PLPP1: variants seen among roughly 807,000 people sequenced by gnomAD.
PLPP1 encodes lipid phosphate phosphohydrolase 1a.
Under a neutral mutation model 31.2 loss-of-function variants are expected in PLPP1, and 24 were observed. The observed-to-expected ratio is 0.77, with a 90% confidence interval of 0.56 to 1.08. The LOEUF (loss-of-function observed/expected upper bound fraction) is 1.08. Among genes scored for constraint, PLPP1 ranks in the 50% least tolerant of loss-of-function variants. The pLI is 0.00. For missense variants in PLPP1, 319 were observed against 342.7 expected (o/e 0.93, Z 0.55); for synonymous variants, 146 against 126.3 (o/e 1.16, Z -1.05).
rs1287068001 is a variant in PLPP1, at chr5:55,530,530, GAA to G, written c.58+4040_58+4041del. ...TTCCCTACTGAATCTTCAGAGATCT[GAA>G]AGTTTGGAATGATAGAAGAAACATC... On this transcript the variant is annotated intron_variant, in intron 1 of 5. Transcript: ENST00000307259. 13 of 1,210,736 alleles carry G rather than the reference GAA, an allele frequency of 1.1e-5. No homozygotes were observed. The African/African-American group carries it at 1.8e-4, about 16-fold the overall frequency. 75.0% of individuals were successfully genotyped at this position (1,210,736 alleles called of 1,614,324 possible).
chr5:55,512,551 A>ACTTAC (rs1753454778), intron 1 of PLPP1, among the ~76,000 whole-genome samples: 1 of 127,956 alleles, frequency 7.8e-6, no homozygotes, highest in Admixed American at 8.2e-5. Context: ...AAAGAAAGAA[A>ACTTAC]GAAAGAAAGA....
In PLPP1 at chr5:55,503,787, AGAGGAAGGG is replaced by A. The variant is rs1267850651; in HGVS notation, c.59-28346_59-28338del. Among the ~76,000 whole-genome samples the A allele has an allele frequency of 3.6e-3, 438 of 120,364 alleles. 4 individuals carry two copies. Among genetic ancestry groups the A allele is most frequent in the African/African-American group, 9.9e-3 (324 of 32,704 alleles). The allele number at this position is 120,364 out of a possible 152,430, so 79.0% of individuals were successfully genotyped here. ...GAGAGAGGCTGTCTCAAAACGAAGG[AGAGGAAGGG>A]GAGGAAGGGGAGGAAGGGGAGGGGA... On this transcript the variant is annotated intron_variant, in intron 1 of 5. Transcript: ENST00000307259.
intron 1 of PLPP1, among the ~76,000 whole-genome samples, chr5:55,492,072 A>G (rs1044524268): frequency 3.3e-5 from 5 of 152,128 alleles, no homozygotes; most frequent in African/African-American, 1.2e-4. Context: ...TTGCACCTAA[A>G]TAAAATGACC....
chr5:55,530,584 A>T, intron 1 of PLPP1: 1 of 1,332,242 alleles, frequency 7.5e-7, no homozygotes. Context: ...TTCTTACAAG[A>T]TTTGCAATGA....
In PLPP1 at chr5:55,424,927, A is replaced by G; in HGVS notation, c.*279T>C. 1 of 635,946 alleles carries G rather than the reference A, an allele frequency of 1.6e-6. No homozygotes were observed. Among genetic ancestry groups the G allele is most frequent in the Non-Finnish European group, 2.7e-6 (1 of 370,004 alleles). The allele number at this position is 635,946 out of a possible 1,614,324, so 39.4% of individuals were successfully genotyped here. A position where few individuals can be genotyped will look rare whatever the true frequency, so the allele number is the denominator to read the frequency against. On this transcript the variant is annotated 3_prime_UTR_variant, in exon 6 of 6. Coordinates refer to ENST00000307259, the MANE Select transcript of PLPP1 (RefSeq NM_003711.4). ...CATTCATAGAAAGCATATTACATAC[A>G]TGTTTATACATAAGCATTACATTTT...
chr5:55,467,773 T>G, intron 3 of PLPP1, 96 bp downstream of exon 3: 1 of 1,324,884 alleles, frequency 7.5e-7, no homozygotes, highest in Middle Eastern at 1.9e-4. Flanking sequence ...TAACACTAAC[T>G]TCTCTTTTTA....
intron 1 of PLPP1, among the ~76,000 whole-genome samples, chr5:55,524,691 T>C (rs1274210178): frequency 6.6e-6 from 1 of 152,024 alleles, no homozygotes; most frequent in Admixed American, 6.6e-5. Context: ...GCACCTGTAA[T>C]CCCAGCTACT....
chr5:55,515,857 A>G (rs1361963102), intron 1 of PLPP1, among the ~76,000 whole-genome samples: 1 of 152,050 alleles, frequency 6.6e-6, no homozygotes, highest in African/African-American at 2.4e-5. Flanking sequence ...CATGGCTTCA[A>G]TTACCACGAA....
chr5:55,510,425 C>G (rs572978753), intron 1 of PLPP1, among the ~76,000 whole-genome samples: 21 of 152,148 alleles, frequency 1.4e-4, no homozygotes, highest in Non-Finnish European at 2.6e-4. Flanking sequence ...TGAGGGCACT[C>G]AGGGAGGTAA....
intron 2 of PLPP1, among the ~76,000 whole-genome samples, chr5:55,471,887 G>A (rs999895511): frequency 3.3e-5 from 5 of 152,150 alleles, no homozygotes; most frequent in African/African-American, 1.2e-4. Context: ...GGGATGTTGA[G>A]GCAGGAGGGC....
intron 4 of PLPP1, among the ~76,000 whole-genome samples, chr5:55,427,087 TAAAAAA>T (rs3070034): frequency 2.0e-5 from 3 of 150,366 alleles, no homozygotes; most frequent in South Asian, 2.1e-4. Context: ...CTGCTCTCAT[TAAAAAA>T]AAAAAAAAAA....
chr5:55,460,603 A>C (rs888422948), intron 3 of PLPP1, among the ~76,000 whole-genome samples: 1 of 152,226 alleles, frequency 6.6e-6, no homozygotes, highest in African/African-American at 2.4e-5. Flanking sequence ...TAAAAGACAA[A>C]CAACCAAAGC....
At chr5:55,447,123 G>A (rs1367628453) in intron 3 of PLPP1, among the ~76,000 whole-genome samples, 1 of 152,192 alleles carries the variant, frequency 6.6e-6, no homozygotes, top group Non-Finnish European at 1.5e-5. Flanking sequence ...GTATCATGTA[G>A]CACGTTTAGC....
At chr5:55,512,432 C>CA (rs1369303802) in intron 1 of PLPP1, among the ~76,000 whole-genome samples, 13 of 148,718 alleles carry the variant, frequency 8.7e-5, no homozygotes, top group Non-Finnish European at 7.4e-5. Context: ...GATTACACCA[C>CA]TGCACTCCAG....
intron 3 of PLPP1, among the ~76,000 whole-genome samples, chr5:55,450,684 C>T (rs376712908): frequency 1.3e-5 from 2 of 152,142 alleles, no homozygotes; most frequent in South Asian, 2.1e-4. Flanking sequence ...AAATTCATGA[C>T]CTCATACAAA....
At chr5:55,492,176 A>C (rs1413019671) in intron 1 of PLPP1, among the ~76,000 whole-genome samples, 1 of 152,190 alleles carries the variant, frequency 6.6e-6, no homozygotes, top group Admixed American at 6.5e-5. Context: ...AAACTCACTC[A>C]CTATATGCGC....
chr5:55,460,054 GTTA>G (rs1320275255), intron 3 of PLPP1, among the ~76,000 whole-genome samples: 13 of 152,132 alleles, frequency 8.5e-5, no homozygotes. Flanking sequence ...GACTGTTTAC[GTTA>G]TTAAGGCTTC....
intron 4 of PLPP1, among the ~76,000 whole-genome samples, chr5:55,434,084 G>A (rs1028701367): frequency 2.0e-5 from 3 of 147,438 alleles, no homozygotes; most frequent in African/African-American, 5.0e-5. Context: ...AGCCGAGATC[G>A]CACCACTGCA....
At chr5:55,490,006 T>G (rs1352941490) in intron 1 of PLPP1, among the ~76,000 whole-genome samples, 1 of 152,118 alleles carries the variant, frequency 6.6e-6, no homozygotes, top group Admixed American at 6.6e-5. Flanking sequence ...ATATCCCAAG[T>G]GGCAATCTTA....
Sources: gnomAD v4.1 joint callset for allele counts (sites outside exome capture counted in the v4.1 genomes callset) on GRCh38, gnomAD v4.1.1 for gene constraint, MANE v1.5 for transcripts, NCBI Gene and HGNC (gene_info 2026-07-23, HGNC 2026-07-21) for gene names.